The following CPNE4 variants were observed in gnomAD, a reference collection of about 807,000 sequenced individuals.
The protein encoded by CPNE4 is copine 4, also known as copine-4.
Under a neutral mutation model 67.9 loss-of-function variants are expected in CPNE4, and 25 were observed. The ratio of observed to expected loss-of-function variants is 0.37; its 90% CI spans 0.27 to 0.51. The LOEUF (loss-of-function observed/expected upper bound fraction) is 0.51, where lower values mean the gene tolerates loss of function less well. Among genes scored for constraint, CPNE4 ranks in the 20% least tolerant of loss-of-function variants. The probability of loss-of-function intolerance (pLI) is 0.93; values close to 1 mark genes in which losing one functional copy is unlikely to be tolerated. For synonymous variants in CPNE4, 242 were observed against 244.9 expected, an observed-to-expected ratio of 0.99 and a Z score of 0.11; for missense variants, 464 against 690.8, an observed-to-expected ratio of 0.67 and a Z score of 3.68.
At chr3:131,848,973 A>AAC (rs1159501479) in intron 2 of CPNE4, among the ~76,000 whole-genome samples, 1 of 150,026 alleles carries the variant, frequency 6.7e-6, no homozygotes, top group Non-Finnish European at 1.5e-5. Flanking sequence ...AAAAAAAAAA[A>AAC]AAAAAAAAAC....
intron 2 of CPNE4, among the ~76,000 whole-genome samples, chr3:131,801,368 GTACCATATATATATATAT>G (rs2084101356): frequency 9.8e-6 from 1 of 102,344 alleles, no homozygotes; most frequent in Admixed American, 1.1e-4. Flanking sequence ...ATATATATAT[GTACCATATATATATATAT>G]GGTACATATA....
chr3:131,912,912 G>A (rs1290042596), intron 1 of CPNE4, among the ~76,000 whole-genome samples: 1 of 152,166 alleles, frequency 6.6e-6, no homozygotes, highest in Non-Finnish European at 1.5e-5. Flanking sequence ...TACACCTTGA[G>A]TAACAAGGTT....
intron 2 of CPNE4, among the ~76,000 whole-genome samples, chr3:131,731,096 C>T (rs566423338): frequency 1.3e-5 from 2 of 152,320 alleles, no homozygotes; most frequent in Non-Finnish European, 2.9e-5. Flanking sequence ...CTTTCTCCCA[C>T]TTTCAATCCA....
intron 6 of CPNE4, among the ~76,000 whole-genome samples, chr3:131,676,029 C>CTATTATTATTAT (rs34007329): frequency 0.055 from 7,557 of 138,400 alleles, 282 homozygotes; most frequent in Non-Finnish European, 0.08. Context: ...ATGTTATAAC[C>CTATTATTATTAT]TATTATTATT....
chr3:131,849,303 T>C (rs73875040), intron 2 of CPNE4, among the ~76,000 whole-genome samples: 9,876 of 152,148 alleles, frequency 0.065, 851 homozygotes, highest in African/African-American at 0.2. Context: ...AACTGGGTAA[T>C]TTATAAATAA....
At chr3:131,767,018 T>C (rs779878361) in intron 2 of CPNE4, among the ~76,000 whole-genome samples, 1 of 152,220 alleles carries the variant, frequency 6.6e-6, no homozygotes, top group Non-Finnish European at 1.5e-5. Context: ...AGATTTGTTG[T>C]TGAAGCAGGG....
intron 7 of CPNE4, among the ~76,000 whole-genome samples, chr3:131,651,269 G>A (rs923684017): frequency 6.6e-6 from 1 of 152,056 alleles, no homozygotes; most frequent in Non-Finnish European, 1.5e-5. Context: ...GGCTCTCTGA[G>A]CTTTTATTAA....
intron 2 of CPNE4, among the ~76,000 whole-genome samples, chr3:131,828,743 G>A (rs895596095): frequency 1.3e-5 from 2 of 152,078 alleles, no homozygotes; most frequent in East Asian, 3.9e-4. Context: ...TGAGGTGAGA[G>A]GATCACTTGA....
At chr3:131,929,513 C>G (rs2070993631) in intron 1 of CPNE4, among the ~76,000 whole-genome samples, 1 of 152,124 alleles carries the variant, frequency 6.6e-6, no homozygotes, top group Non-Finnish European at 1.5e-5. Flanking sequence ...AAAAAATCAG[C>G]AGTCTCACGT....
intron 1 of CPNE4, among the ~76,000 whole-genome samples, chr3:131,920,710 T>C (rs1473887845): frequency 1.3e-5 from 2 of 152,182 alleles, no homozygotes; most frequent in African/African-American, 4.8e-5. Flanking sequence ...AAATGTCAGT[T>C]GACCTAGAAA....
intron 7 of CPNE4, among the ~76,000 whole-genome samples, chr3:131,647,599 T>G (rs187805717): frequency 7.9e-5 from 12 of 152,302 alleles, no homozygotes; most frequent in African/African-American, 2.9e-4. Flanking sequence ...GAGGTTTGAT[T>G]TTTAGCAAAA....
At chr3:131,707,687 G>A (rs1194406730) in intron 3 of CPNE4, among the ~76,000 whole-genome samples, 2 of 152,078 alleles carry the variant, frequency 1.3e-5, no homozygotes, top group Admixed American at 1.3e-4. Context: ...GACTTGATCA[G>A]GCCCTGAGCT....
intron 3 of CPNE4, among the ~76,000 whole-genome samples, chr3:131,709,327 G>A (rs1023915870): frequency 5.3e-5 from 8 of 152,110 alleles, no homozygotes; most frequent in African/African-American, 9.7e-5. Context: ...TTGGGTGTCC[G>A]GAGGAAGAGC....
At chr3:131,757,013 T>C (rs1560249765) in intron 2 of CPNE4, among the ~76,000 whole-genome samples, 3 of 152,206 alleles carry the variant, frequency 2.0e-5, no homozygotes, top group Non-Finnish European at 4.4e-5. Context: ...TCCCCAGCCA[T>C]GTGGAACTGT....
At chr3:131,600,959 T>G (rs1410220593) in intron 7 of CPNE4, among the ~76,000 whole-genome samples, 2 of 152,222 alleles carry the variant, frequency 1.3e-5, no homozygotes, top group Non-Finnish European at 2.9e-5. Context: ...TTTTAATTAA[T>G]GCACTACATT....
At chr3:131,581,186 CAAACA>C (rs1937811579) in intron 9 of CPNE4, among the ~76,000 whole-genome samples, 3 of 152,010 alleles carry the variant, frequency 2.0e-5, no homozygotes, top group Admixed American at 2.0e-4. Flanking sequence ...ACAAAGCAAA[CAAACA>C]AAACCAAAAC....
At chr3:131,883,322 ACTC>A (rs1404186955) in intron 2 of CPNE4, among the ~76,000 whole-genome samples, 2 of 151,866 alleles carry the variant, frequency 1.3e-5, no homozygotes, top group East Asian at 1.9e-4. Context: ...ATGATTCTTG[ACTC>A]CTCATTTTCT....
rs138817079 is a variant in CPNE4, at chr3:132,001,565, A to G, written c.-2+33002T>C. Among the ~76,000 whole-genome samples the G allele has an allele frequency of 3.0e-5, 4 of 135,454 alleles. No individual in the cohort carries two copies. In the East Asian group the frequency reaches 8.4e-4, roughly 29 times the overall value. The allele number at this position is 135,454 out of a possible 152,430, so 88.9% of individuals were successfully genotyped here. ...GACAAAGAAAAAAGAGAAAGAAAGA[A>G]AGAAAGAAAGAAAGAAAGAAAGAAA... On this transcript the variant is annotated intron_variant, in intron 1 of 15. Coordinates refer to ENST00000429747, the MANE Select transcript of CPNE4 (RefSeq NM_130808.3).
chr3:131,792,728 T>C (rs13074303), intron 2 of CPNE4, among the ~76,000 whole-genome samples: 23,059 of 92,360 alleles, frequency 0.25, 4,722 homozygotes, highest in East Asian at 0.35. Context: ...TGTATATATA[T>C]ACACGTGTGT....
Sources: gnomAD v4.1 joint callset for allele counts (sites outside exome capture counted in the v4.1 genomes callset) on GRCh38, gnomAD v4.1.1 for gene constraint, MANE v1.5 for transcripts, NCBI Gene and HGNC (gene_info 2026-07-23, HGNC 2026-07-21) for gene names.